The following QSOX1 variants were observed in gnomAD, a reference collection of about 807,000 sequenced individuals.
The protein encoded by QSOX1 is sulfhydryl oxidase 1.
In QSOX1, 40 loss-of-function variants were observed where a neutral mutation model predicts 76.1. That is an observed-to-expected ratio of 0.53 (90% CI 0.41 to 0.68). The LOEUF (loss-of-function observed/expected upper bound fraction) is 0.68, where lower values mean the gene tolerates loss of function less well. Ranked by LOEUF, QSOX1 falls within the 30% of genes least tolerant of loss-of-function variation. QSOX1 has a pLI of 0.00. For missense variants in QSOX1, 931 were observed against 974.3 expected (o/e 0.96, Z 0.59); for synonymous variants, 392 against 413.1 (o/e 0.95, Z 0.62).
chr1:180,174,926 G>A (rs1041613602), intron 2 of QSOX1, among the ~76,000 whole-genome samples: 18 of 152,026 alleles, frequency 1.2e-4, no homozygotes, highest in African/African-American at 3.9e-4. Context: ...GCTGAGGCGG[G>A]CAGATCACAG....
intron 7 of QSOX1, among the ~76,000 whole-genome samples, 199 bp from the exon 8 acceptor site, chr1:180,185,854 G>A (rs535918970): frequency 6.6e-6 from 1 of 152,198 alleles, no homozygotes; most frequent in Non-Finnish European, 1.5e-5. Flanking sequence ...TACAGATGAG[G>A]AATTGAGGCT....
intron 1 of QSOX1, among the ~76,000 whole-genome samples, chr1:180,162,693 G>A (rs189181338): frequency 2.6e-5 from 4 of 152,140 alleles, no homozygotes; most frequent in African/African-American, 7.2e-5. Flanking sequence ...AGCCACGATC[G>A]CACCACTGCA....
intron 10 of QSOX1, among the ~76,000 whole-genome samples, chr1:180,192,928 G>A (rs59414523): frequency 0.017 from 2,567 of 152,242 alleles, 77 homozygotes; most frequent in African/African-American, 0.058. Context: ...GGAGGCCATG[G>A]TGATTTCAAG....
At chr1:180,157,596 G>C (rs894489413) in intron 1 of QSOX1, among the ~76,000 whole-genome samples, 2 of 152,148 alleles carry the variant, frequency 1.3e-5, no homozygotes, top group Non-Finnish European at 1.5e-5. Context: ...CATTTAATCT[G>C]ACTGAATAGG....
chr1:180,178,578 C>T (rs902133587), intron 4 of QSOX1, among the ~76,000 whole-genome samples: 2 of 152,236 alleles, frequency 1.3e-5, no homozygotes, highest in Admixed American at 1.3e-4. Flanking sequence ...ACCAAGCACC[C>T]AAGGTAGGTC....
At chr1:180,172,419 T>C (rs1183389527) in intron 2 of QSOX1, among the ~76,000 whole-genome samples, 5 of 152,088 alleles carry the variant, frequency 3.3e-5, no homozygotes, top group Admixed American at 2.0e-4. Context: ...GGAGAGGCTC[T>C]TGGGGTCCCT....
intron 4 of QSOX1, among the ~76,000 whole-genome samples, chr1:180,176,457 C>T (rs552676291): frequency 7.9e-4 from 120 of 152,244 alleles, no homozygotes; most frequent in Middle Eastern, 6.8e-3. Flanking sequence ...AAAAGGAGAT[C>T]AAATATTTTG....
intron 2 of QSOX1, among the ~76,000 whole-genome samples, chr1:180,171,439 A>G (rs1662757713): frequency 1.3e-5 from 2 of 148,666 alleles, no homozygotes; most frequent in East Asian, 2.0e-4. Context: ...AGTCTTGGGG[A>G]TGGTGGGGGA....
chr1:180,184,615 C>G (rs958850704), intron 7 of QSOX1, among the ~76,000 whole-genome samples: 2 of 152,172 alleles, frequency 1.3e-5, no homozygotes, highest in African/African-American at 2.4e-5. Flanking sequence ...GAGAGCTGCT[C>G]TTCTCTCTGA....
chr1:180,185,558 G>A (rs928343798), intron 7 of QSOX1, among the ~76,000 whole-genome samples: 1 of 152,198 alleles, frequency 6.6e-6, no homozygotes, highest in Non-Finnish European at 1.5e-5. Context: ...TTCCCCTCCT[G>A]CCCCCAGTCG....
intron 1 of QSOX1, among the ~76,000 whole-genome samples, chr1:180,165,500 T>A (rs1662594367): frequency 6.6e-6 from 1 of 152,254 alleles, no homozygotes; most frequent in Non-Finnish European, 1.5e-5. Flanking sequence ...TCCACCTTGC[T>A]CAGGCAGTTC....
intron 2 of QSOX1, 71 bp downstream of exon 2, chr1:180,166,662 G>A: frequency 6.9e-7 from 1 of 1,455,112 alleles, no homozygotes; most frequent in Non-Finnish European, 9.6e-7. Context: ...AAGGGACCAT[G>A]TGGGATGTGT....
At chr1:180,169,839 A>G (rs1286076375) in intron 2 of QSOX1, among the ~76,000 whole-genome samples, 2 of 152,210 alleles carry the variant, frequency 1.3e-5, no homozygotes, top group African/African-American at 4.8e-5. Context: ...GCGGCCAGGG[A>G]TAGGTACCCA....
intron 11 of QSOX1, among the ~76,000 whole-genome samples, chr1:180,195,142 C>T (rs982146068): frequency 9.2e-5 from 14 of 152,270 alleles, no homozygotes; most frequent in African/African-American, 2.4e-4. Flanking sequence ...CCTTCCCCCA[C>T]CCCGCCCCTG....
rs1663571489 is a variant in QSOX1 at position 180,198,923 on chromosome 1, C to A, written c.*1886C>A. 6.2e-6 allele frequency: 1 copy of A among 160,374 alleles called. No individual in the cohort carries two copies. The highest frequency in any genetic ancestry group is 5.8e-5 in the Admixed American group (1 of 17,332). The allele number at this position is 160,374 out of a possible 1,614,324, so 9.9% of individuals were successfully genotyped here. On this transcript the variant is annotated 3_prime_UTR_variant, in exon 12 of 12. Coordinates refer to ENST00000367602, the MANE Select transcript of QSOX1 (RefSeq NM_002826.5). The stretch of plus-strand genomic sequence containing the variant: ...CCTTCACCCCCTAAGGGCTCCTTGC[C>A]CAATGCCAAGTGCTGGGGATTTCTG...
In QSOX1 at chr1:180,196,747, C is replaced by T; in HGVS notation, c.1954C>T (p.Leu652=). 6.2e-7 allele frequency: 1 copy of T among 1,614,136 alleles called. No homozygotes were observed. Among genetic ancestry groups the T allele is most frequent in the Non-Finnish European group, 8.5e-7 (1 of 1,180,022 alleles). The change falls in exon 12 of 12, where the codon CTG becomes TTG. Residue 652 remains leucine (L), a synonymous_variant. Transcript: ENST00000367602. The surrounding 1 kb of genome is among the most constrained non-coding windows in gnomAD (Gnocchi z 4.1). ...LSKRDTGAAL[L]AESRAEKNRL... is the part of the protein sequence containing the mutation. ...CAAGCGAGACACAGGGGCTGCATTGCTGGCTGAGTCCAGGGCTGAGAAGAA... is the reference window on the plus strand; with the variant it reads ...CAAGCGAGACACAGGGGCTGCATTGTTGGCTGAGTCCAGGGCTGAGAAGAA...
At position 180,176,001 on chromosome 1, in the gene QSOX1, GC is replaced by G; in HGVS notation, c.488del (p.Pro163GlnfsTer28). The G allele has an allele frequency of 6.2e-7, 1 of 1,600,738 alleles. No individual in the cohort carries two copies. Among genetic ancestry groups the G allele is most frequent in the Non-Finnish European group, 8.5e-7 (1 of 1,174,416 alleles). Reference protein sequence around the residue: ...DALESHHDTWPPACPPLEPAK... With the variant: ...DALESHHDTWXPACPPLEPAK... ...CCCTGGAGTCCCATCATGACACGTG[GC>G]CCCCAGCCTGTCCCCCACTGGAGCC... On this transcript the variant is annotated frameshift_variant, in exon 4 of 12. Transcript: ENST00000367602. LOFTEE classifies it high-confidence loss of function.
intron 2 of QSOX1, among the ~76,000 whole-genome samples, chr1:180,171,717 C>T (rs1368526999): frequency 2.0e-5 from 3 of 151,712 alleles, no homozygotes; most frequent in Non-Finnish European, 2.9e-5. Context: ...TAGGAGAGAC[C>T]GGGGTAGGAG....
chr1:180,194,750 T>C (rs1007158809), intron 11 of QSOX1, among the ~76,000 whole-genome samples: 5 of 152,026 alleles, frequency 3.3e-5, no homozygotes, highest in African/African-American at 1.2e-4. Flanking sequence ...CTGGGAAGGG[T>C]CTGATGAGAG....
Sources: gnomAD v4.1 joint callset for allele counts (sites outside exome capture counted in the v4.1 genomes callset) on GRCh38, gnomAD v4.1.1 for gene constraint, Gnocchi (gnomAD v3.1) non-coding constraint, MANE v1.5 for transcripts, NCBI Gene and HGNC (gene_info 2026-07-23, HGNC 2026-07-21) for gene names.